Variants in CAMTA1 observed in about 807,000 individuals in gnomAD.
CAMTA1 encodes the protein calmodulin binding transcription activator 1.
A neutral mutation model predicts 170.9 loss-of-function variants in CAMTA1; 27 were observed. The ratio of observed to expected loss-of-function variants is 0.16; its 90% CI spans 0.12 to 0.22. The LOEUF (loss-of-function observed/expected upper bound fraction) is 0.22, where lower values mean the gene tolerates loss of function less well. Ranked by LOEUF, CAMTA1 falls within the 10% of genes least tolerant of loss-of-function variation. CAMTA1 has a pLI of 1.00. For synonymous variants in CAMTA1, 833 were observed against 891.5 expected (o/e 0.93, Z 1.17); for missense variants, 1,619 against 2,217.2 (o/e 0.73, Z 5.42).
intron 5 of CAMTA1, among the ~76,000 whole-genome samples, chr1:7,279,258 G>A (rs1219194701): frequency 1.3e-5 from 2 of 152,172 alleles, no homozygotes; most frequent in African/African-American, 4.8e-5. Context: ...CATTGCCCAC[G>A]CTTCTGCCAG....
In CAMTA1 at chr1:7,669,510, C is replaced by T. The variant is rs111872464; in HGVS notation, c.2653-1401C>T. Among the ~76,000 whole-genome samples, 1,126 of 152,346 alleles carry T rather than the reference C, an allele frequency of 7.4e-3. 12 individuals carry two copies. The highest frequency in any genetic ancestry group is 0.017 in the Middle Eastern group (5 of 294). On this transcript the variant is annotated intron_variant, in intron 9 of 22. Coordinates refer to ENST00000303635, the MANE Select transcript of CAMTA1 (RefSeq NM_015215.4). ...GAATGAGTGACTGACCAGTAGGGAG[C>T]ATCTGGTTGGCACGGAGTTGGGGGG...
chr1:7,621,749 G>A (rs985398924), intron 6 of CAMTA1, among the ~76,000 whole-genome samples: 1 of 152,194 alleles, frequency 6.6e-6, no homozygotes, highest in Non-Finnish European at 1.5e-5. Flanking sequence ...GGATGGAGAC[G>A]TCTGTGCAAT....
intron 5 of CAMTA1, among the ~76,000 whole-genome samples, chr1:7,292,316 C>A (rs1673261776): frequency 6.6e-6 from 1 of 152,028 alleles, no homozygotes; most frequent in African/African-American, 2.4e-5. Context: ...AAAAAAAGTT[C>A]TTTGAAAGAA....
At chr1:7,610,767 G>A (rs1188486130) in intron 6 of CAMTA1, among the ~76,000 whole-genome samples, 2 of 152,242 alleles carry the variant, frequency 1.3e-5, no homozygotes, top group East Asian at 3.8e-4. Flanking sequence ...TAAATGGCCT[G>A]GGAGCCCCTA....
chr1:7,148,634 C>T lies in CAMTA1; in HGVS notation c.302+57263C>T, dbSNP rs936903552. Among the ~76,000 whole-genome samples, 48 of 152,162 alleles carry T rather than the reference C, an allele frequency of 3.2e-4. 1 individual carries two copies. The highest frequency in any genetic ancestry group is 1.1e-3 in the African/African-American group (46 of 41,434). ...CCCATTGCAGTTGGATGTGGCCAGC[C>T]GGCCCATTCAGTCCAAGTGCCCAGG... On this transcript the variant is annotated intron_variant, in intron 4 of 22. Transcript: ENST00000303635.
intron 3 of CAMTA1, among the ~76,000 whole-genome samples, chr1:6,966,360 C>T (rs1268101641): frequency 1.3e-5 from 2 of 152,080 alleles, no homozygotes; most frequent in Non-Finnish European, 2.9e-5. Flanking sequence ...TCCTCCCTAG[C>T]CCTAAACGAC....
rs1454584289 is a variant in CAMTA1, at chr1:7,635,056, G to A, written c.511-5344G>A. ...TACCACCACCACAGTCACAGACCAT[G>A]CCACGGGGCTCTCTCTCCCCAGCCT... is the stretch of plus-strand genomic sequence containing the variant. On this transcript the variant is annotated intron_variant, in intron 6 of 22. Coordinates refer to ENST00000303635, the MANE Select transcript of CAMTA1 (RefSeq NM_015215.4). This position sits in a 1 kb window ranked among gnomAD's most constrained non-coding sequence, Gnocchi z 4.4. 6.6e-6 allele frequency among the ~76,000 whole-genome samples: 1 copy of A among 152,218 alleles called. No individual in the cohort carries two copies. Among genetic ancestry groups the A allele is most frequent in the Non-Finnish European group, 1.5e-5 (1 of 68,038 alleles).
chr1:6,825,911 T>C (rs1448201421), intron 3 of CAMTA1, among the ~76,000 whole-genome samples: 1 of 152,200 alleles, frequency 6.6e-6, no homozygotes, highest in African/African-American at 2.4e-5. Context: ...ACCCGTTTAG[T>C]GTGGTGATGA....
At chr1:7,655,088 C>T (rs1462572057) in intron 7 of CAMTA1, among the ~76,000 whole-genome samples, 2 of 59,664 alleles carry the variant, frequency 3.4e-5, no homozygotes. Flanking sequence ...ACACACCCAC[C>T]TATACACACA....
At chr1:7,647,278 A>AGG (rs34963142) in intron 7 of CAMTA1, among the ~76,000 whole-genome samples, 2,584 of 145,920 alleles carry the variant, frequency 0.018, 29 homozygotes, top group South Asian at 0.056. Flanking sequence ...AAGATCCAGA[A>AGG]GGGGGGGGGG....
chr1:7,165,091 A>G (rs1243836008), intron 4 of CAMTA1, among the ~76,000 whole-genome samples: 1 of 152,244 alleles, frequency 6.6e-6, no homozygotes, highest in Non-Finnish European at 1.5e-5. Flanking sequence ...CTGCTTTTGA[A>G]AAGAAAAACT....
intron 6 of CAMTA1, among the ~76,000 whole-genome samples, chr1:7,499,824 G>GTGTA (rs1281306830): frequency 1.4e-5 from 2 of 141,830 alleles, no homozygotes; most frequent in African/African-American, 5.3e-5. Context: ...TGGTGTGCAT[G>GTGTA]CATATGTATG....
chr1:7,350,346 G>T (rs965447028), intron 5 of CAMTA1, among the ~76,000 whole-genome samples: 1 of 152,194 alleles, frequency 6.6e-6, no homozygotes, highest in Admixed American at 6.5e-5. Flanking sequence ...CCCTATACCC[G>T]CCAGGTCCCC....
Position 6,887,821 on chromosome 1 carries a change from C to G in CAMTA1, c.234+62611C>G. On this transcript the variant is annotated intron_variant, in intron 3 of 22. Coordinates refer to ENST00000303635, the MANE Select transcript of CAMTA1 (RefSeq NM_015215.4). The surrounding 1 kb of genome is among the most constrained non-coding windows in gnomAD (Gnocchi z 4.1). ...TAAGACAGTTCTATTAGTGAATTAA[C>G]TGTTCTCAAAACCCCAAATTAATTT... 2.0e-6 allele frequency: 3 copies of G among 1,481,064 alleles called. No homozygotes were observed. The highest frequency in any genetic ancestry group is 2.7e-6 in the Non-Finnish European group (3 of 1,120,174). 91.7% of individuals were successfully genotyped at this position (1,481,064 alleles called of 1,614,324 possible). A position where few individuals can be genotyped will look rare whatever the true frequency, so the allele number is the denominator to read the frequency against.
At position 7,506,923 on chromosome 1, in the gene CAMTA1, TCA is replaced by T. The variant is rs766903709; in HGVS notation, c.510+39026_510+39027del. Among the ~76,000 whole-genome samples the T allele has an allele frequency of 5.3e-5, 8 of 151,742 alleles. No homozygotes were observed. In the South Asian group the frequency reaches 1.3e-3, roughly 24 times the overall value. ...TCTCTTGCTCACACTCAAAATTCAC[TCA>T]CACTTATGTACTCACAATCAAAATT... On this transcript the variant is annotated intron_variant, in intron 6 of 22. Transcript: ENST00000303635.
At chr1:6,989,532 GT>G (rs1340535270) in intron 3 of CAMTA1, among the ~76,000 whole-genome samples, 3 of 152,070 alleles carry the variant, frequency 2.0e-5, no homozygotes, top group Non-Finnish European at 4.4e-5. Flanking sequence ...GGAATTGAAA[GT>G]TTTTTTTCCC....
At chr1:7,506,939 ACAAT>A (rs1216345811) in intron 6 of CAMTA1, among the ~76,000 whole-genome samples, 2 of 151,704 alleles carry the variant, frequency 1.3e-5, no homozygotes, top group South Asian at 2.1e-4. Flanking sequence ...TTATGTACTC[ACAAT>A]CAAAATTCAC....
chr1:6,992,382 C>T (rs1271405634), intron 3 of CAMTA1, among the ~76,000 whole-genome samples: 1 of 152,178 alleles, frequency 6.6e-6, no homozygotes, highest in Non-Finnish European at 1.5e-5. Context: ...TGAAGTTTAT[C>T]ACTTTTTTCC....
At chr1:7,761,859 T>C (rs2096978808) in intron 22 of CAMTA1, among the ~76,000 whole-genome samples, 1 of 150,162 alleles carries the variant, frequency 6.7e-6, no homozygotes. Context: ...CTAATTCACT[T>C]TTTTTTTTTA....
Sources: gnomAD v4.1 joint callset for allele counts (sites outside exome capture counted in the v4.1 genomes callset) on GRCh38, gnomAD v4.1.1 for gene constraint, Gnocchi (gnomAD v3.1) non-coding constraint, MANE v1.5 for transcripts, NCBI Gene and HGNC (gene_info 2026-07-23, HGNC 2026-07-21) for gene names.